Variants in SLC10A2 observed in about 807,000 individuals in gnomAD.
The protein encoded by SLC10A2 is ileal sodium/bile acid cotransporter.
In SLC10A2, 34 loss-of-function variants were observed where a neutral mutation model predicts 27.1. The observed-to-expected ratio is 1.26, with a 90% CI of 0.96 to 1.67. The LOEUF is 1.67. Among genes scored for constraint, SLC10A2 ranks in the 40% most tolerant of loss-of-function variants. The pLI, the probability that SLC10A2 is intolerant of heterozygous loss-of-function variation, is 0.00. For synonymous variants in SLC10A2, 205 were observed against 174.0 expected (o/e 1.18, Z -1.40); for missense variants, 530 against 444.4 (o/e 1.19, Z -1.73).
intron 2 of SLC10A2, among the ~76,000 whole-genome samples, chr13:103,053,475 T>A (rs1389807991): frequency 6.6e-6 from 1 of 152,242 alleles, no homozygotes; most frequent in Non-Finnish European, 1.5e-5. Flanking sequence ...TTGCGACATG[T>A]GGTTTGTTTC....
At chr13:103,047,222 C>T (rs915466431) in intron 5 of SLC10A2, among the ~76,000 whole-genome samples, 13 of 152,084 alleles carry the variant, frequency 8.5e-5, no homozygotes, top group Admixed American at 7.9e-4. Flanking sequence ...TAAATGTTAA[C>T]GTTCATTATG....
intron 2 of SLC10A2, 22 bp from the exon 3 acceptor site, chr13:103,052,730 T>A: frequency 7.1e-7 from 1 of 1,415,788 alleles, no homozygotes; most frequent in Non-Finnish European, 1.0e-6. Flanking sequence ...AGAAGGGCAA[T>A]GTGATCAGCA....
intron 3 of SLC10A2, among the ~76,000 whole-genome samples, chr13:103,052,042 C>T (rs182397865): frequency 1.3e-5 from 2 of 152,154 alleles, no homozygotes; most frequent in South Asian, 4.1e-4. Context: ...TTGCCCCGAG[C>T]AGCAGAATCT....
rs190473934 is a variant in SLC10A2 at position 103,050,119 on chromosome 13, A to G, written c.762-673T>C. Among the ~76,000 whole-genome samples, 20 of 152,352 alleles carry G rather than the reference A, an allele frequency of 1.3e-4. 1 individual carries two copies. Among genetic ancestry groups the G allele is most frequent in the Admixed American group, 3.9e-4 (6 of 15,304 alleles). On this transcript the variant is annotated intron_variant, in intron 4 of 5. Coordinates refer to ENST00000245312, the MANE Select transcript of SLC10A2 (RefSeq NM_000452.3). ...AGCTATGATTGTGCCACTGGACTCC[A>G]GCCTGGGCGACAGAATGAGACCCTG... is the stretch of plus-strand genomic sequence containing the variant.
At chr13:103,058,512 A>T in intron 1 of SLC10A2, 130 bp from the exon 2 acceptor site, 1 of 687,268 alleles carries the variant, frequency 1.5e-6, no homozygotes, top group Non-Finnish European at 2.7e-6. Context: ...TATATAGGTC[A>T]ACTTGTGTCA....
At position 103,045,468 on chromosome 13, in the gene SLC10A2, G is replaced by A. The variant is rs527694168; in HGVS notation, c.*665C>T. On this transcript the variant is annotated 3_prime_UTR_variant, in exon 6 of 6. Transcript: ENST00000245312. ...AATAGATGTACGATATCCCTGCTGA[G>A]TTAAGAGCCTGCATCCAATATGGTT... is the stretch of plus-strand genomic sequence containing the variant. 2 of 152,566 alleles carry A rather than the reference G, an allele frequency of 1.3e-5. No individual in the cohort carries two copies. The highest frequency in any genetic ancestry group is 4.8e-5 in the African/African-American group (2 of 41,570). 9.5% of individuals were successfully genotyped at this position (152,566 alleles called of 1,614,324 possible).
At chr13:103,052,768 C>T in intron 2 of SLC10A2, 60 bp from the exon 3 acceptor site, 1 of 1,048,252 alleles carries the variant, frequency 9.5e-7, no homozygotes, top group Non-Finnish European at 1.5e-6. Context: ...AAGAGAAAAA[C>T]AGAAGAACAA....
intron 3 of SLC10A2, 130 bp from the exon 4 acceptor site, chr13:103,051,562 T>A: frequency 1.0e-6 from 1 of 977,830 alleles, no homozygotes; most frequent in Non-Finnish European, 1.6e-6. Flanking sequence ...TCTTTCTATG[T>A]ACTCCAAGCC....
intron 5 of SLC10A2, 48 bp from the exon 6 acceptor site, chr13:103,046,308 T>C: frequency 6.8e-7 from 1 of 1,475,552 alleles, no homozygotes. Flanking sequence ...AATAATAAAC[T>C]GCAAAATTAC....
intron 2 of SLC10A2, among the ~76,000 whole-genome samples, chr13:103,057,269 C>T (rs1373707301): frequency 6.6e-6 from 1 of 152,194 alleles, no homozygotes; most frequent in Admixed American, 6.5e-5. Context: ...TGGGAAATGC[C>T]TATTCCTGGT....
chr13:103,044,781 C>T lies in SLC10A2; in HGVS notation c.*1352G>A, dbSNP rs1360700465. 2.0e-5 allele frequency: 3 copies of T among 152,040 alleles called. No homozygotes were observed. The highest frequency in any genetic ancestry group is 6.6e-5 in the Admixed American group (1 of 15,260). 9.4% of individuals were successfully genotyped at this position (152,040 alleles called of 1,614,324 possible). On this transcript the variant is annotated 3_prime_UTR_variant, in exon 6 of 6. Coordinates refer to ENST00000245312, the MANE Select transcript of SLC10A2 (RefSeq NM_000452.3). ...AAAATGGAACAAAACCACTAAGGAC[C>T]GAGTGGTTAAGATTGTGTATTCTGA...
chr13:103,053,001 A>G (rs1333222710), intron 2 of SLC10A2, among the ~76,000 whole-genome samples: 2 of 151,668 alleles, frequency 1.3e-5, no homozygotes, highest in African/African-American at 4.9e-5. Context: ...TTTTGCCAGC[A>G]TACATTAGTT....
chr13:103,052,414 G>A (rs1402835986), intron 3 of SLC10A2, among the ~76,000 whole-genome samples: 1 of 147,484 alleles, frequency 6.8e-6, no homozygotes, highest in Admixed American at 6.9e-5. Context: ...TTCAAGAACA[G>A]CATTAGCAAC....
chr13:103,061,821 G>A (rs1372740750), intron 1 of SLC10A2, among the ~76,000 whole-genome samples: 1 of 152,084 alleles, frequency 6.6e-6, no homozygotes, highest in Non-Finnish European at 1.5e-5. Flanking sequence ...CACTCAAAAT[G>A]AGATTTAAAA....
chr13:103,065,139 G>T (rs72657899), intron 1 of SLC10A2, among the ~76,000 whole-genome samples: 1,997 of 152,320 alleles, frequency 0.013, 25 homozygotes, highest in East Asian at 0.048. Flanking sequence ...TCTCAATCTA[G>T]TCACATTAAT....
chr13:103,062,908 G>A (rs984219158), intron 1 of SLC10A2, among the ~76,000 whole-genome samples: 6 of 152,194 alleles, frequency 3.9e-5, no homozygotes, highest in African/African-American at 1.4e-4. Context: ...GTGTCGCTGA[G>A]GCCATTAAGA....
Position 103,066,255 on chromosome 13 carries a change from G to A in SLC10A2, c.-6C>T. 1 of 1,594,722 alleles carries A rather than the reference G, an allele frequency of 6.3e-7. No individual in the cohort carries two copies. The highest frequency in any genetic ancestry group is 8.6e-7 in the Non-Finnish European group (1 of 1,167,386). On this transcript the variant is annotated 5_prime_UTR_variant, in exon 1 of 6. Transcript: ENST00000245312. ...CAGCTGTTCGGATCATTCATTGCTG[G>A]GTCTGCTGCTGGAAAGGCCAAGTCC...
chr13:103,051,888 A>G (rs966845099), intron 3 of SLC10A2, among the ~76,000 whole-genome samples: 9 of 152,238 alleles, frequency 5.9e-5, no homozygotes, highest in African/African-American at 1.2e-4. Context: ...GAAAATGGGT[A>G]TAGAACTCTA....
chr13:103,052,682 GAAC>G lies in SLC10A2; in HGVS notation c.520_522del (p.Val174del), dbSNP rs1198111434. The G allele has an allele frequency of 1.2e-6, 2 of 1,610,732 alleles. No homozygotes were observed. The highest frequency in any genetic ancestry group is 2.2e-5 in the East Asian group (1 of 44,850). On this transcript the variant is annotated inframe_deletion, in exon 3 of 6. Transcript: ENST00000245312. ...TTAACAAACATTCCAATGGAAACAG[GAAC>G]AACGAGAGAAACCAGAGATGTACCT...
Sources: gnomAD v4.1 joint callset for allele counts (sites outside exome capture counted in the v4.1 genomes callset) on GRCh38, gnomAD v4.1.1 for gene constraint, MANE v1.5 for transcripts, NCBI Gene and HGNC (gene_info 2026-07-23, HGNC 2026-07-21) for gene names.